Variants in RPS6KA2 observed in about 807,000 individuals in gnomAD.
RPS6KA2 encodes ribosomal protein S6 kinase A2.
A neutral mutation model predicts 91.8 loss-of-function variants in RPS6KA2; 42 were observed. The observed-to-expected ratio is 0.46, with a 90% confidence interval of 0.36 to 0.59. RPS6KA2 has a LOEUF of 0.59. Ranked by LOEUF, RPS6KA2 falls within the 20% of genes least tolerant of loss-of-function variation. The pLI is 0.00. For synonymous variants in RPS6KA2, 414 were observed against 393.6 expected, an observed-to-expected ratio of 1.05 and a Z score of -0.61; for missense variants, 798 against 978.5, an observed-to-expected ratio of 0.82 and a Z score of 2.46.
At chr6:166,817,126 C>A (rs1465532217) in intron 2 of RPS6KA2, among the ~76,000 whole-genome samples, 1 of 152,128 alleles carries the variant, frequency 6.6e-6, no homozygotes, top group African/African-American at 2.4e-5. Flanking sequence ...ATATATATTT[C>A]TTTGTAATGT....
chr6:166,587,428 T>A (rs1407902997), intron 1 of RPS6KA2, among the ~76,000 whole-genome samples: 3 of 152,170 alleles, frequency 2.0e-5, no homozygotes, highest in Non-Finnish European at 4.4e-5. Flanking sequence ...GTCCTTGGCC[T>A]CAGTTCCCTC....
intron 1 of RPS6KA2, among the ~76,000 whole-genome samples, chr6:166,608,318 A>G (rs548074753): frequency 3.9e-5 from 6 of 152,336 alleles, no homozygotes; most frequent in African/African-American, 1.2e-4. Flanking sequence ...TGTATAGAAC[A>G]GTCTAGAAGT....
At chr6:166,772,020 G>A (rs187063027) in intron 2 of RPS6KA2, among the ~76,000 whole-genome samples, 334 of 152,326 alleles carry the variant, frequency 2.2e-3, no homozygotes, top group African/African-American at 7.8e-3. Flanking sequence ...AGCTCTGTTT[G>A]TTTTATGTTC....
chr6:166,608,848 T>C (rs1306457546), intron 1 of RPS6KA2, among the ~76,000 whole-genome samples: 2 of 152,202 alleles, frequency 1.3e-5, no homozygotes, highest in East Asian at 3.8e-4. Flanking sequence ...AGGCCCAAAG[T>C]CATGTTTATT....
intron 16 of RPS6KA2, 128 bp downstream of exon 16, chr6:166,430,325 G>T: frequency 1.2e-6 from 1 of 863,676 alleles, no homozygotes; most frequent in Non-Finnish European, 1.8e-6. Flanking sequence ...CAAGAGAGAC[G>T]ATGGTGGCAC....
At chr6:166,629,953 GAGA>G (rs68136150), upstream of RPS6KA2, among the ~76,000 whole-genome samples, 35,757 of 152,066 alleles carry the variant, frequency 0.24, 4,428 homozygotes, top group East Asian at 0.34. Context: ...TCTTATGGAA[GAGA>G]AGGTGAGTGA....
At chr6:166,593,825 T>C (rs1785437814) in intron 1 of RPS6KA2, among the ~76,000 whole-genome samples, 1 of 152,220 alleles carries the variant, frequency 6.6e-6, no homozygotes, top group Non-Finnish European at 1.5e-5. Flanking sequence ...TTAAAATGTA[T>C]ATTTTTAATG....
At chr6:166,858,656 T>A (rs902596410) in intron 1 of RPS6KA2, among the ~76,000 whole-genome samples, 2 of 152,226 alleles carry the variant, frequency 1.3e-5, no homozygotes, top group African/African-American at 4.8e-5. Flanking sequence ...GGTGAAGGCA[T>A]GTGTGACCAC....
intron 1 of RPS6KA2, among the ~76,000 whole-genome samples, chr6:166,616,459 G>A (rs150498344): frequency 1.8e-4 from 27 of 152,304 alleles, no homozygotes; most frequent in African/African-American, 5.8e-4. Flanking sequence ...CATGTCAACC[G>A]AGTCGCTCCT....
At chr6:166,624,873 C>T (rs999027087) in intron 1 of RPS6KA2, among the ~76,000 whole-genome samples, 10 of 151,896 alleles carry the variant, frequency 6.6e-5, no homozygotes, top group Admixed American at 2.6e-4. Flanking sequence ...CTCGCTCTCT[C>T]GCCAGGCTGG....
chr6:166,456,966 C>T (rs1562506622), intron 12 of RPS6KA2, among the ~76,000 whole-genome samples: 1 of 152,232 alleles, frequency 6.6e-6, no homozygotes, highest in Non-Finnish European at 1.5e-5. Flanking sequence ...TCAAAAAAAG[C>T]TTCCGGTTCC....
intron 14 of RPS6KA2, among the ~76,000 whole-genome samples, chr6:166,447,111 C>T (rs1482373622): frequency 2.6e-5 from 4 of 152,190 alleles, no homozygotes; most frequent in African/African-American, 9.7e-5. Context: ...ACAAACCAAT[C>T]TCAACAATCC....
Position 166,646,538 on chromosome 6 carries a change from C to T in RPS6KA2, c.124-107754G>A, listed in dbSNP as rs150228059. On this transcript the variant is annotated intron_variant, in intron 2 of 21. Transcript: ENST00000503859. ...TTGCATCTGTGCAGCGCAAGGGCCC[C>T]GCCAGGAAGACCTGGTCCAGCCGCA... Among the ~76,000 whole-genome samples, 523 of 152,362 alleles carry T rather than the reference C, an allele frequency of 3.4e-3. 2 individuals carry two copies. The highest frequency in any genetic ancestry group is 0.012 in the African/African-American group (503 of 41,598).
Position 166,586,450 on chromosome 6 carries a change from T to C in RPS6KA2, c.99+40471A>G, listed in dbSNP as rs1583303078. ...CTACTAGCAAACATCTCTTCAAAAT[T>C]TGGAACAGCTTCGGCAGTGTCAGTC... On this transcript the variant is annotated intron_variant, in intron 1 of 20. Transcript: ENST00000265678. The C allele has an allele frequency of 8.1e-6, 13 of 1,599,286 alleles. No homozygotes were observed. The East Asian group carries it at 2.9e-4, about 36-fold the overall frequency.
chr6:166,857,436 C>A (rs1780935059), intron 2 of RPS6KA2, among the ~76,000 whole-genome samples: 1 of 152,192 alleles, frequency 6.6e-6, no homozygotes, highest in African/African-American at 2.4e-5. Context: ...CTCAACTCAG[C>A]CTTCCAATTT....
chr6:166,568,749 A>G (rs919523087), intron 1 of RPS6KA2, among the ~76,000 whole-genome samples: 12 of 149,444 alleles, frequency 8.0e-5, no homozygotes, highest in African/African-American at 2.7e-4. Context: ...CCTGCCCTGG[A>G]GGTGACTGTG....
chr6:166,593,444 A>G (rs1785421915), intron 1 of RPS6KA2, among the ~76,000 whole-genome samples: 1 of 152,252 alleles, frequency 6.6e-6, no homozygotes. Flanking sequence ...AACTGGAATT[A>G]TTGTGATCAA....
intron 1 of RPS6KA2, among the ~76,000 whole-genome samples, chr6:166,625,824 G>A (rs1786852255): frequency 6.6e-6 from 1 of 152,150 alleles, no homozygotes; most frequent in African/African-American, 2.4e-5. Context: ...ATCCTATCTA[G>A]TACTTCCAAT....
At chr6:166,415,063 T>A (rs1778451155) in intron 19 of RPS6KA2, among the ~76,000 whole-genome samples, 1 of 152,100 alleles carries the variant, frequency 6.6e-6, no homozygotes, top group South Asian at 2.1e-4. Flanking sequence ...AGAGTCCATC[T>A]CAAACAAACA....
Sources: allele counts gnomAD v4.1 joint callset (sites outside exome capture counted in the v4.1 genomes callset), GRCh38; gene constraint gnomAD v4.1.1; transcripts MANE v1.5; gene names NCBI Gene and HGNC (gene_info 2026-07-23, HGNC 2026-07-21).